CELF2: variants seen among roughly 807,000 people sequenced by gnomAD.
CELF2 encodes the protein CUGBP Elav-like family member 2.
Under a neutral mutation model 62.6 loss-of-function variants are expected in CELF2, and 8 were observed. The observed-to-expected ratio is 0.13, with a 90% CI of 0.07 to 0.23. CELF2 has a LOEUF of 0.23. CELF2 is among the 10% of genes least tolerant of loss of function. CELF2 has a pLI of 1.00. For synonymous variants in CELF2, 258 were observed against 250.0 expected (o/e 1.03, Z -0.30); for missense variants, 333 against 671.0 (o/e 0.50, Z 5.56).
rs529055321 is a variant in CELF2, at chr10:11,208,394, C to T, written c.272-9031C>T. Among the ~76,000 whole-genome samples the T allele has an allele frequency of 5.9e-5, 9 of 152,314 alleles. No homozygotes were observed. The South Asian group carries it at 1.9e-3, about 32-fold the overall frequency. On this transcript the variant is annotated intron_variant, in intron 2 of 12. Transcript: ENST00000633077. ...GGGGAAATGGTATACTTAGGTCCAA[C>T]AAAGTGTGCCTAGGCTCATTTGCAT...
chr10:10,748,675 A>G, the CELF2 span, among the ~76,000 whole-genome samples: 1 of 150,248 alleles, frequency 6.7e-6, no homozygotes, highest in African/African-American at 2.5e-5. Flanking sequence ...ATGAACCCAG[A>G]AGGCAGAACT....
chr10:11,313,495 G>A (rs2094700658), intron 9 of CELF2, among the ~76,000 whole-genome samples: 1 of 152,200 alleles, frequency 6.6e-6, no homozygotes, highest in Non-Finnish European at 1.5e-5. Context: ...CAGCAACTTA[G>A]TAAAACGGAT....
the CELF2 span, among the ~76,000 whole-genome samples, chr10:10,680,855 A>G: frequency 6.6e-6 from 1 of 152,202 alleles, no homozygotes; most frequent in African/African-American, 2.4e-5. Context: ...AGGTATGTTT[A>G]TGTGTTTATA....
At chr10:11,077,254 A>G (rs897942241) in intron 1 of CELF2, among the ~76,000 whole-genome samples, 2 of 152,240 alleles carry the variant, frequency 1.3e-5, no homozygotes, top group African/African-American at 4.8e-5. Context: ...TGCCAACACC[A>G]GAACAAACCC....
chr10:10,878,449 C>T (rs9424105), intron 1 of CELF2, among the ~76,000 whole-genome samples: 18,400 of 152,192 alleles, frequency 0.12, 1,486 homozygotes, highest in Non-Finnish European at 0.18. Context: ...GAATTTAACC[C>T]GCGCTTCTGT....
the CELF2 span, among the ~76,000 whole-genome samples, chr10:10,479,870 A>G: frequency 1.1e-4 from 17 of 152,216 alleles, no homozygotes; most frequent in African/African-American, 4.1e-4. Flanking sequence ...ATTAGTCACA[A>G]TTTAACCCTT....
In CELF2 at chr10:11,046,299, T is replaced by G. The variant is rs1462859003; in HGVS notation, c.74+28136T>G. Among the ~76,000 whole-genome samples the G allele has an allele frequency of 6.6e-6, 1 of 152,208 alleles. No homozygotes were observed. The highest frequency in any genetic ancestry group is 2.4e-5 in the African/African-American group (1 of 41,448). Reference sequence around the variant, plus strand: ...CTAACGAGTTCCCAGGTGATTGTGATGCCCGTGTCAATGTGCCGGTCAGAA... The same window carrying G: ...CTAACGAGTTCCCAGGTGATTGTGAGGCCCGTGTCAATGTGCCGGTCAGAA... On this transcript the variant is annotated intron_variant, in intron 1 of 12. Transcript: ENST00000633077. The surrounding 1 kb of genome is among the most constrained non-coding windows in gnomAD (Gnocchi z 4.6).
At chr10:10,545,107 G>A in the CELF2 span, among the ~76,000 whole-genome samples, 2 of 152,308 alleles carry the variant, frequency 1.3e-5, no homozygotes, top group African/African-American at 4.8e-5. Flanking sequence ...CTCGGCTCTT[G>A]TGGAACACTG....
In CELF2 at chr10:11,191,744, G is replaced by A. The variant is rs546252417; in HGVS notation, c.272-25681G>A. ...ATAAGTGAAAAATAGTTACATAATG[G>A]TTATCTCATTGGTGTTTAGATTTCT... On this transcript the variant is annotated intron_variant, in intron 2 of 12. Coordinates refer to ENST00000633077, the MANE Select transcript of CELF2 (RefSeq NM_001326342.2). This position sits in a 1 kb window ranked among gnomAD's most constrained non-coding sequence, Gnocchi z 4.1. 2.2e-4 allele frequency among the ~76,000 whole-genome samples: 33 copies of A among 152,274 alleles called. No individual in the cohort carries two copies. The East Asian group carries it at 6.4e-3, about 29-fold the overall frequency.
chr10:11,021,574 G>A (rs146397916), intron 1 of CELF2, among the ~76,000 whole-genome samples: 8 of 152,284 alleles, frequency 5.3e-5, no homozygotes, highest in African/African-American at 1.2e-4. Flanking sequence ...ATAAGGAAAC[G>A]TGAGTTGTTA....
At chr10:11,114,714 G>T (rs755524639) in intron 1 of CELF2, among the ~76,000 whole-genome samples, 11 of 152,172 alleles carry the variant, frequency 7.2e-5, no homozygotes, top group Non-Finnish European at 1.2e-4. Context: ...CTTTTGACTT[G>T]AGAAATTGAA....
chr10:10,756,367 A>T, the CELF2 span, among the ~76,000 whole-genome samples: 1 of 152,222 alleles, frequency 6.6e-6, no homozygotes, highest in African/African-American at 2.4e-5. Flanking sequence ...TCAACCTAAT[A>T]AATATTTGGA....
At chr10:11,132,165 C>T (rs2059728158) in intron 1 of CELF2, among the ~76,000 whole-genome samples, 1 of 152,214 alleles carries the variant, frequency 6.6e-6, no homozygotes, top group Non-Finnish European at 1.5e-5. Context: ...AACAATTTTG[C>T]TGCCAATTAA....
the CELF2 span, among the ~76,000 whole-genome samples, chr10:10,507,890 G>C: frequency 4.6e-5 from 7 of 152,106 alleles, no homozygotes. Context: ...TTAGTCATTG[G>C]AAAGAGTCAA....
the CELF2 span, among the ~76,000 whole-genome samples, chr10:10,742,872 A>G: frequency 4.6e-5 from 7 of 152,210 alleles, no homozygotes; most frequent in Non-Finnish European, 8.8e-5. Context: ...AGAGAGTGGC[A>G]TCTTCATGAG....
rs967060785 is a variant in CELF2, at chr10:11,156,451, C to G, written c.75-9035C>G. Reference sequence around the variant, plus strand: ...CCACCTTATTTAATATTGCAGCCCTCTTATTTAATACCCTGCAACGCCCTC... The same window carrying G: ...CCACCTTATTTAATATTGCAGCCCTGTTATTTAATACCCTGCAACGCCCTC... On this transcript the variant is annotated intron_variant, in intron 1 of 12. Transcript: ENST00000633077. The surrounding 1 kb of genome is among the most constrained non-coding windows in gnomAD (Gnocchi z 4.3). 6.6e-6 allele frequency among the ~76,000 whole-genome samples: 1 copy of G among 152,160 alleles called. No homozygotes were observed. The highest frequency in any genetic ancestry group is 6.5e-5 in the Admixed American group (1 of 15,278).
At chr10:11,196,913 C>T (rs1408230340) in intron 2 of CELF2, among the ~76,000 whole-genome samples, 2 of 147,978 alleles carry the variant, frequency 1.4e-5, no homozygotes, top group Admixed American at 6.7e-5. Flanking sequence ...GAGCCGAGAT[C>T]GCACCACTGC....
the CELF2 span, among the ~76,000 whole-genome samples, chr10:10,524,121 T>A: frequency 6.6e-6 from 1 of 152,218 alleles, no homozygotes; most frequent in South Asian, 2.1e-4. Context: ...TGAAGTCTTC[T>A]ATAGACAGGT....
the CELF2 span, among the ~76,000 whole-genome samples, chr10:10,598,490 G>A: frequency 6.6e-6 from 1 of 152,214 alleles, no homozygotes; most frequent in Non-Finnish European, 1.5e-5. Flanking sequence ...CTGCAACGGA[G>A]CGTGGCAAAG....
Sources: allele counts gnomAD v4.1 joint callset (sites outside exome capture counted in the v4.1 genomes callset), GRCh38; gene constraint gnomAD v4.1.1; non-coding constraint Gnocchi (gnomAD v3.1); transcripts MANE v1.5; gene names NCBI Gene and HGNC (gene_info 2026-07-23, HGNC 2026-07-21).